Variants in SOX5 observed in about 807,000 individuals in gnomAD.
SOX5 encodes the protein SRY-box transcription factor 5, also known as transcription factor SOX-5.
SOX5 carries 9 observed loss-of-function variants against 92.0 expected under a neutral mutation model. The observed-to-expected ratio is 0.10, with a 90% CI of 0.06 to 0.17. The LOEUF is 0.17. Ranked by LOEUF, SOX5 falls within the 10% of genes least tolerant of loss-of-function variation. The pLI is 1.00. For synonymous variants in SOX5, 344 were observed against 336.3 expected, an observed-to-expected ratio of 1.02 and a Z score of -0.25; for missense variants, 642 against 944.5, an observed-to-expected ratio of 0.68 and a Z score of 4.20.
At position 24,344,238 on chromosome 12, in the gene SOX5, G is replaced by A. The variant is rs1037430869; in HGVS notation, c.-174+24325C>T. Among the ~76,000 whole-genome samples, 8 of 139,638 alleles carry A rather than the reference G, an allele frequency of 5.7e-5. No individual in the cohort carries two copies. The South Asian group carries it at 6.6e-4, about 12-fold the overall frequency. 91.6% of individuals were successfully genotyped at this position (139,638 alleles called of 152,430 possible). ...TCGGAGGTTGCAGTGAGCCGAGATC[G>A]TGCCACCGCACTCCATCCTGGCGAC... On this transcript the variant is annotated intron_variant, in intron 2 of 4. Transcript: ENST00000446891.
intron 3 of SOX5, among the ~76,000 whole-genome samples, chr12:24,226,283 G>T (rs566427242): frequency 6.6e-6 from 1 of 151,822 alleles, no homozygotes; most frequent in South Asian, 2.1e-4. Context: ...CTTGATTAAG[G>T]CTTATACTTC....
intron 4 of SOX5, among the ~76,000 whole-genome samples, chr12:24,014,688 C>T (rs995204622): frequency 2.2e-4 from 34 of 152,010 alleles, no homozygotes; most frequent in Non-Finnish European, 4.4e-5. Flanking sequence ...GGGAAAGTCA[C>T]TTGGAAAAAA....
intron 1 of SOX5, chr12:23,920,626 CAAG>C (rs1315420047): frequency 6.6e-6 from 1 of 152,080 alleles, no homozygotes; most frequent in Admixed American, 6.5e-5. Context: ...TAAAAGAAAA[CAAG>C]AATACCATTG....
intron 2 of SOX5, among the ~76,000 whole-genome samples, chr12:24,334,670 AAAG>A (rs1951693873): frequency 1.3e-5 from 2 of 152,160 alleles, no homozygotes; most frequent in South Asian, 4.1e-4. Context: ...CAAAATAAGC[AAAG>A]AAGTAAACAA....
At chr12:23,903,619 T>C (rs906032034) in intron 1 of SOX5, among the ~76,000 whole-genome samples, 1 of 152,188 alleles carries the variant, frequency 6.6e-6, no homozygotes, top group Non-Finnish European at 1.5e-5. Flanking sequence ...TTTAATAGAT[T>C]GCATCTTCTG....
intron 2 of SOX5, among the ~76,000 whole-genome samples, chr12:23,847,909 A>G (rs2096592212): frequency 6.6e-6 from 1 of 152,086 alleles, no homozygotes; most frequent in African/African-American, 2.4e-5. Flanking sequence ...TAAAACCTAC[A>G]TAAATATACA....
chr12:24,320,632 G>A (rs776065966), intron 2 of SOX5, among the ~76,000 whole-genome samples: 26 of 152,078 alleles, frequency 1.7e-4, no homozygotes, highest in Non-Finnish European at 2.8e-4. Context: ...TTGGGAGGCC[G>A]AGGCGGGGAG....
chr12:23,728,637 C>T (rs935969371), intron 6 of SOX5, among the ~76,000 whole-genome samples: 5 of 152,220 alleles, frequency 3.3e-5, no homozygotes, highest in Non-Finnish European at 7.4e-5. Context: ...AAAATGAAAC[C>T]TTTATCACAA....
At chr12:23,772,711 A>G (rs2094972991) in intron 3 of SOX5, among the ~76,000 whole-genome samples, 1 of 152,224 alleles carries the variant, frequency 6.6e-6, no homozygotes, top group South Asian at 2.1e-4. Context: ...TTACTCATCC[A>G]TATAATTAGT....
chr12:24,157,420 A>G (rs1952297944), intron 4 of SOX5, among the ~76,000 whole-genome samples: 1 of 152,158 alleles, frequency 6.6e-6, no homozygotes, highest in Non-Finnish European at 1.5e-5. Context: ...TAATTAAACA[A>G]ATGCAGAGAA....
intron 4 of SOX5, among the ~76,000 whole-genome samples, chr12:24,133,582 G>C (rs1341351883): frequency 6.6e-6 from 1 of 152,106 alleles, no homozygotes; most frequent in Non-Finnish European, 1.5e-5. Flanking sequence ...AAAGCACAAA[G>C]GGGGGTGTGG....
chr12:23,749,257 G>C lies in SOX5; in HGVS notation c.568+6381C>G, dbSNP rs75495026. On this transcript the variant is annotated intron_variant, in intron 4 of 14. Transcript: ENST00000451604. ...ATTCTTTACTGCAATATAGATACCC[G>C]TCAGAAGTTGGAATCAATTAAAATT... Among the ~76,000 whole-genome samples the C allele has an allele frequency of 2.8e-4, 42 of 151,902 alleles. 1 individual carries two copies. In the East Asian group the frequency reaches 7.9e-3, roughly 29 times the overall value.
At chr12:23,630,030 T>C (rs2078331189) in intron 8 of SOX5, among the ~76,000 whole-genome samples, 1 of 151,934 alleles carries the variant, frequency 6.6e-6, no homozygotes, top group Non-Finnish European at 1.5e-5. Flanking sequence ...TCCTAGTGTA[T>C]CAAGGACATG....
chr12:24,522,400 C>A (rs1472524316), intron 1 of SOX5, among the ~76,000 whole-genome samples: 1 of 151,732 alleles, frequency 6.6e-6, no homozygotes, highest in Non-Finnish European at 1.5e-5. Context: ...AGGAGGGAAC[C>A]TTTGATATAA....
At position 23,588,660 on chromosome 12, in the gene SOX5, G is replaced by A. The variant is rs570658452; in HGVS notation, c.1165-12822C>T. ...CTTATCTTATTTTGAATGTTGCTTT[G>A]GTCCATCACATTGCCAGATAAAATT... On this transcript the variant is annotated intron_variant, in intron 9 of 14. Coordinates refer to ENST00000451604, the MANE Select transcript of SOX5 (RefSeq NM_006940.6). Among the ~76,000 whole-genome samples, 5 of 151,496 alleles carry A rather than the reference G, an allele frequency of 3.3e-5. No homozygotes were observed. The South Asian group carries it at 1.0e-3, about 32-fold the overall frequency.
At chr12:24,029,552 G>A (rs1955251348) in intron 4 of SOX5, among the ~76,000 whole-genome samples, 1 of 151,392 alleles carries the variant, frequency 6.6e-6, no homozygotes, top group African/African-American at 2.4e-5. Context: ...TAGGATTACA[G>A]GCATAAACCA....
chr12:23,679,571 A>G (rs2086254661), intron 6 of SOX5, among the ~76,000 whole-genome samples: 1 of 152,160 alleles, frequency 6.6e-6, no homozygotes, highest in South Asian at 2.1e-4. Flanking sequence ...CTATAACTCA[A>G]TCACACAGAC....
intron 4 of SOX5, among the ~76,000 whole-genome samples, chr12:24,070,317 CAGAA>C (rs1941560219): frequency 6.6e-6 from 1 of 152,098 alleles, no homozygotes; most frequent in South Asian, 2.1e-4. Flanking sequence ...CAGAAAAATA[CAGAA>C]AGAAAGAGGC....
intron 1 of SOX5, among the ~76,000 whole-genome samples, chr12:24,509,406 A>G (rs1949101646): frequency 6.6e-6 from 1 of 152,110 alleles, no homozygotes; most frequent in African/African-American, 2.4e-5. Flanking sequence ...GGTGAAAGTG[A>G]TGAAGCTTCT....
Sources: allele counts gnomAD v4.1 joint callset (sites outside exome capture counted in the v4.1 genomes callset), GRCh38; gene constraint gnomAD v4.1.1; transcripts MANE v1.5; gene names NCBI Gene and HGNC (gene_info 2026-07-23, HGNC 2026-07-21).